Variants in AGBL3 observed in about 807,000 individuals in gnomAD.
AGBL3 encodes the protein cytosolic carboxypeptidase 3.
In AGBL3, 68 loss-of-function variants were observed where a neutral mutation model predicts 94.5. That is an observed-to-expected ratio of 0.72 (90% CI 0.59 to 0.88). The LOEUF is 0.88. Ranked by LOEUF, AGBL3 falls within the 40% of genes least tolerant of loss-of-function variation. AGBL3 has a pLI of 0.00. For synonymous variants in AGBL3, 354 were observed against 370.7 expected (o/e 0.95, Z 0.52); for missense variants, 934 against 1,103.8 (o/e 0.85, Z 2.18).
At chr7:135,097,878 A>G (rs1451050920) in intron 15 of AGBL3, among the ~76,000 whole-genome samples, 1 of 152,176 alleles carries the variant, frequency 6.6e-6, no homozygotes, top group Non-Finnish European at 1.5e-5. Context: ...GGAGCATACA[A>G]GTTAAACAGT....
chr7:135,072,774 G>C (rs943536133), intron 12 of AGBL3, among the ~76,000 whole-genome samples: 1 of 132,164 alleles, frequency 7.6e-6, no homozygotes, highest in Non-Finnish European at 1.6e-5. Flanking sequence ...TGGAGTGGGG[G>C]AGGGGGGAGG....
chr7:135,106,457 A>G (rs1423733283), intron 15 of AGBL3, among the ~76,000 whole-genome samples: 2 of 152,204 alleles, frequency 1.3e-5, no homozygotes, highest in Non-Finnish European at 2.9e-5. Flanking sequence ...CCTTTTCTGC[A>G]TCTATTGAGA....
At chr7:135,109,531 C>T (rs948114434) in intron 15 of AGBL3, among the ~76,000 whole-genome samples, 1 of 152,094 alleles carries the variant, frequency 6.6e-6, no homozygotes, top group Non-Finnish European at 1.5e-5. Flanking sequence ...TGCTCCAGTC[C>T]CTTGTCACCT....
intron 5 of AGBL3, among the ~76,000 whole-genome samples, chr7:135,022,540 C>T (rs1814623638): frequency 6.6e-6 from 1 of 151,236 alleles, no homozygotes; most frequent in African/African-American, 2.4e-5. Flanking sequence ...GTTTTACGTT[C>T]TTGTAAATTC....
intron 15 of AGBL3, among the ~76,000 whole-genome samples, chr7:135,114,502 A>G (rs1405689937): frequency 1.6e-4 from 7 of 43,600 alleles, no homozygotes; most frequent in African/African-American, 2.9e-4. Context: ...GATTTCTAAC[A>G]TGCTCTTCCC....
Position 135,125,313 on chromosome 7 carries a change from T to TGGAC in AGBL3, c.2343-9527_2343-9524dup, listed in dbSNP as rs1484800474. Among the ~76,000 whole-genome samples the TGGAC allele has an allele frequency of 4.9e-4, 75 of 152,258 alleles. 1 individual carries two copies. The highest frequency in any genetic ancestry group is 1.7e-3 in the African/African-American group (69 of 41,554). On this transcript the variant is annotated intron_variant, in intron 16 of 16. Transcript: ENST00000436302. Reference sequence around the variant, plus strand: ...AATCTAGAAGAAATGGAGAAATTCCTGGACACACACACCCTCCCAAGACTA... The same window carrying TGGAC: ...AATCTAGAAGAAATGGAGAAATTCCTGGACGGACACACACACCCTCCCAAGACTA...
Position 134,986,637 on chromosome 7 carries a change from G to A in AGBL3, c.-124G>A, listed in dbSNP as rs1226783370. ...CCCGAGATATTCTCCCCGCACGGAAGCGACGACTGGCCTGGCCAGAGGACT... is the reference window on the plus strand; with the variant it reads ...CCCGAGATATTCTCCCCGCACGGAAACGACGACTGGCCTGGCCAGAGGACT... On this transcript the variant is annotated 5_prime_UTR_variant, in exon 1 of 17. Coordinates refer to ENST00000436302, the MANE Select transcript of AGBL3 (RefSeq NM_178563.4). 5 of 152,328 alleles carry A rather than the reference G, an allele frequency of 3.3e-5. No individual in the cohort carries two copies. Among genetic ancestry groups the A allele is most frequent in the African/African-American group, 1.2e-4 (5 of 41,470 alleles). 9.4% of individuals were successfully genotyped at this position (152,328 alleles called of 1,614,324 possible). A position where few individuals can be genotyped will look rare whatever the true frequency, so the allele number is the denominator to read the frequency against.
chr7:135,117,960 G>A (rs529992280), intron 16 of AGBL3, among the ~76,000 whole-genome samples: 1 of 152,312 alleles, frequency 6.6e-6, no homozygotes, highest in African/African-American at 2.4e-5. Flanking sequence ...TGAAACTGCT[G>A]TAGGATGCAA....
In AGBL3 at chr7:135,115,573, G is replaced by C. The variant is rs1463753963; in HGVS notation, c.2304G>C (p.Gln768His). Residue 768 changes from glutamine (Q) to histidine (H), a missense_variant, in exon 16 of 17, where the codon CAG becomes CAC. By Grantham distance (24) the Gln-to-His change is conservative. This residue lies in a region of AGBL3 where 441 missense variants were observed against 518.2 expected (regional missense o/e 0.85). Transcript: ENST00000436302. ...ACATGCAAACCACTCAGATAAAACA[G>C]CTATTCAATCCAAGAACCAACTTCC... ...TKNMQTTQIK[Q>H]LFNPRTNFQI... 1.4e-5 allele frequency: 22 copies of C among 1,550,846 alleles called. No individual in the cohort carries two copies. In the Middle Eastern group the frequency reaches 5.0e-4, roughly 35 times the overall value.
At chr7:135,129,180 G>C in intron 16 of AGBL3, 1 of 1,436,092 alleles carries the variant, frequency 7.0e-7, no homozygotes, top group Middle Eastern at 1.7e-4. Context: ...CCTGATGGCA[G>C]ATGTGGTGTA....
chr7:134,994,327 C>T (rs1810695045), intron 4 of AGBL3, among the ~76,000 whole-genome samples: 1 of 152,104 alleles, frequency 6.6e-6, no homozygotes, highest in Admixed American at 6.5e-5. Flanking sequence ...TTTTCCCACT[C>T]TCTGCTTTTT....
chr7:135,077,580 T>C (rs1451957203), intron 13 of AGBL3, among the ~76,000 whole-genome samples: 2 of 152,208 alleles, frequency 1.3e-5, no homozygotes, highest in South Asian at 2.1e-4. Context: ...AGTGCAATTA[T>C]GGCTTAAAAA....
intron 4 of AGBL3, among the ~76,000 whole-genome samples, chr7:135,016,030 CAAAAAAA>C (rs5887720): frequency 7.1e-6 from 1 of 141,278 alleles, no homozygotes; most frequent in African/African-American, 2.8e-5. Flanking sequence ...CACTCCATCT[CAAAAAAA>C]AAAAAAAAAA....
chr7:135,013,193 C>G (rs1456844371), intron 4 of AGBL3, among the ~76,000 whole-genome samples: 4 of 152,074 alleles, frequency 2.6e-5, no homozygotes, highest in African/African-American at 9.7e-5. Flanking sequence ...AAATGAAAAT[C>G]TGAACCACAA....
Position 135,115,404 on chromosome 7 carries a change from A to C in AGBL3, c.2135A>C (p.Lys712Thr). 1.3e-6 allele frequency: 2 copies of C among 1,550,940 alleles called. No individual in the cohort carries two copies. Among genetic ancestry groups the C allele is most frequent in the Non-Finnish European group, 1.7e-6 (2 of 1,146,662 alleles). The stretch of plus-strand genomic sequence containing the variant: ...GATCTGCACCACAACTTAAAAAGCA[A>C]AATAAAAGAATGCATATCTTTCCAA... ...GLDLHHNLKS[K>T]IKECISFQSK... The change falls in exon 16 of 17, where the codon AAA (lysine) becomes ACA (threonine). Residue 712 changes from lysine to threonine, a missense_variant. Lys to Thr is a moderately conservative substitution (Grantham distance 78). Transcript: ENST00000436302.
intron 15 of AGBL3, among the ~76,000 whole-genome samples, chr7:135,090,798 G>A (rs1821741953): frequency 6.6e-6 from 1 of 152,180 alleles, no homozygotes; most frequent in African/African-American, 2.4e-5. Context: ...AACAGCTTCA[G>A]TTGAGTTTCA....
intron 13 of AGBL3, among the ~76,000 whole-genome samples, chr7:135,079,786 C>G (rs1218701798): frequency 2.0e-5 from 3 of 152,032 alleles, no homozygotes; most frequent in Non-Finnish European, 2.9e-5. Flanking sequence ...TACATAAGCA[C>G]AGTTTTGCAA....
At chr7:135,050,687 T>C (rs1037133502) in intron 11 of AGBL3, among the ~76,000 whole-genome samples, 7 of 151,984 alleles carry the variant, frequency 4.6e-5, no homozygotes, top group African/African-American at 1.7e-4. Context: ...CTCATGACAG[T>C]TTTTTACTTA....
chr7:135,129,195 C>T lies in AGBL3; in HGVS notation c.2343-5646C>T, dbSNP rs921140663. 20 of 1,423,456 alleles carry T rather than the reference C, an allele frequency of 1.4e-5. No individual in the cohort carries two copies. The African/African-American group carries it at 1.8e-4, about 13-fold the overall frequency. The allele number at this position is 1,423,456 out of a possible 1,614,324, so 88.2% of individuals were successfully genotyped here. ...CCTGATGGCAGATGTGGTGTACTGC[C>T]CCCACGCATGCTGCCAGCTGCCTGT... On this transcript the variant is annotated intron_variant, in intron 16 of 16. Transcript: ENST00000436302.
Sources: gnomAD v4.1 joint callset for allele counts (sites outside exome capture counted in the v4.1 genomes callset) on GRCh38, gnomAD v4.1.1 for gene constraint, gnomAD v4.1.1 regional missense constraint, MANE v1.5 for transcripts, NCBI Gene and HGNC (gene_info 2026-07-23, HGNC 2026-07-21) for gene names.